Variants in WASHC4 observed in about 807,000 individuals in gnomAD.
WASHC4 encodes WASH complex subunit 4, also known as WASH complex subunit 7.
In WASHC4, 86 loss-of-function variants were observed where a neutral mutation model predicts 166.6. The ratio of observed to expected loss-of-function variants is 0.52; its 90% CI spans 0.43 to 0.62. The LOEUF (loss-of-function observed/expected upper bound fraction) is 0.62, where lower values mean the gene tolerates loss of function less well. WASHC4 is among the 20% of genes least tolerant of loss of function. The pLI is 0.00. For synonymous variants in WASHC4, 446 were observed against 451.6 expected, an observed-to-expected ratio of 0.99 and a Z score of 0.16; for missense variants, 1,262 against 1,382.4, an observed-to-expected ratio of 0.91 and a Z score of 1.38.
Position 105,107,816 on chromosome 12 carries a change from C to T in WASHC4, c.16C>T (p.Leu6=). Residue 6 remains leucine (L), a synonymous_variant, in exon 1 of 33, where the codon CTG becomes TTG. Transcript: ENST00000332180. MAVET[L]SPDWEFDRVD... ...CGCCGGGGTGATGGCGGTGGAGACT[C>T]TGTCCCCGGACTGGGAGTTTGACCG... The T allele has an allele frequency of 6.4e-7, 1 of 1,551,044 alleles. No homozygotes were observed.
Position 105,114,381 on chromosome 12 carries a change from C to A in WASHC4, c.275C>A (p.Thr92Asn). The A allele has an allele frequency of 6.3e-7, 1 of 1,598,806 alleles. No homozygotes were observed. The highest frequency in any genetic ancestry group is 1.3e-5 in the African/African-American group (1 of 74,576). ...AACTAGGTCTTAAACAAAGTCATCACTGTTTATGCTGCACTTTGTTGTGAA... is the reference window on the plus strand; with the variant it reads ...AACTAGGTCTTAAACAAAGTCATCAATGTTTATGCTGCACTTTGTTGTGAA... ...TENKVLNKVI[T>N]VYAALCCEIK... is the part of the protein sequence containing the mutation. The change falls in exon 4 of 33, where the codon ACT becomes AAT. Residue 92 changes from threonine to asparagine, a missense_variant. Thr to Asn is a moderately conservative substitution (Grantham distance 65). Transcript: ENST00000332180.
At chr12:105,136,784 C>T (rs559431705) in intron 14 of WASHC4, among the ~76,000 whole-genome samples, 4 of 152,126 alleles carry the variant, frequency 2.6e-5, no homozygotes, top group Non-Finnish European at 5.9e-5. Flanking sequence ...TTTGGTCTTA[C>T]GGTCACCTTT....
At chr12:105,123,068 A>C (rs1290816173) in intron 10 of WASHC4, among the ~76,000 whole-genome samples, 1 of 152,200 alleles carries the variant, frequency 6.6e-6, no homozygotes, top group Non-Finnish European at 1.5e-5. Flanking sequence ...TAATCCCAGC[A>C]CTTTGGGAGG....
At chr12:105,152,904 C>G (rs73179984) in intron 26 of WASHC4, among the ~76,000 whole-genome samples, 33 of 151,682 alleles carry the variant, frequency 2.2e-4, no homozygotes, top group African/African-American at 6.0e-4. Context: ...TCTGCCCTTA[C>G]GAGTGGAACT....
chr12:105,156,883 G>T, intron 27 of WASHC4, 91 bp downstream of exon 27: 1 of 939,800 alleles, frequency 1.1e-6, no homozygotes, highest in South Asian at 1.3e-5. Flanking sequence ...TGTAGATAAG[G>T]TGTTTGTTCT....
intron 1 of WASHC4, among the ~76,000 whole-genome samples, chr12:105,110,369 T>C (rs1183881782): frequency 6.6e-6 from 1 of 152,206 alleles, no homozygotes; most frequent in Non-Finnish European, 1.5e-5. Context: ...GTTGAATTTG[T>C]TACCTTTGGG....
Position 105,164,239 on chromosome 12 carries a change from G to A in WASHC4, c.3286G>A (p.Ala1096Thr), listed in dbSNP as rs113168943. 5.4e-5 allele frequency: 87 copies of A among 1,614,056 alleles called. No homozygotes were observed. In the African/African-American group the frequency reaches 8.5e-4, roughly 16 times the overall value. ...AVAKQQNVQS[A>T]SQDEKLLQTM... ...TGCTAAGCAACAGAATGTACAGTCAGCCAGTCAAGATGAAAAACTCTTACA... is the reference window on the plus strand; with the variant it reads ...TGCTAAGCAACAGAATGTACAGTCAACCAGTCAAGATGAAAAACTCTTACA... The change falls in exon 31 of 33, where the codon GCC becomes ACC. Residue 1096 changes from alanine (A) to threonine (T), a missense_variant. Physicochemically the swap from Ala to Thr is moderately conservative, Grantham distance 58. Transcript: ENST00000332180.
chr12:105,124,278 C>G (rs528338405), intron 10 of WASHC4, among the ~76,000 whole-genome samples: 1 of 151,634 alleles, frequency 6.6e-6, no homozygotes, highest in African/African-American at 2.4e-5. Flanking sequence ...TACTACCATG[C>G]CCAGCTAATT....
intron 6 of WASHC4, among the ~76,000 whole-genome samples, chr12:105,116,284 CAT>C (rs879771871): frequency 1.2e-4 from 19 of 152,132 alleles, no homozygotes; most frequent in Admixed American, 6.6e-4. Context: ...AAAAAATACC[CAT>C]AGTCCCACCT....
intron 14 of WASHC4, among the ~76,000 whole-genome samples, chr12:105,135,760 A>G (rs1882262862): frequency 6.6e-6 from 1 of 152,096 alleles, no homozygotes; most frequent in Non-Finnish European, 1.5e-5. Context: ...TATAGTTTAC[A>G]GTTCTCTTCT....
chr12:105,136,810 T>G (rs1882368221), intron 14 of WASHC4, among the ~76,000 whole-genome samples: 1 of 152,190 alleles, frequency 6.6e-6, no homozygotes, highest in Non-Finnish European at 1.5e-5. Context: ...GATGCTATCC[T>G]CTCTTTGATT....
In WASHC4 at chr12:105,166,946, A is replaced by G; in HGVS notation, c.*15A>G. On this transcript the variant is annotated 3_prime_UTR_variant, in exon 33 of 33. Coordinates refer to ENST00000332180, the MANE Select transcript of WASHC4 (RefSeq NM_015275.3). ...TTGTGAAATGATACGGATGGTATTC[A>G]CTGCACATATGATGAAATCATCAGA... 1.9e-6 allele frequency: 3 copies of G among 1,544,192 alleles called. No homozygotes were observed. In the South Asian group the frequency reaches 3.3e-5, roughly 17 times the overall value.
At chr12:105,123,504 C>G (rs1393465109) in intron 10 of WASHC4, among the ~76,000 whole-genome samples, 1 of 152,190 alleles carries the variant, frequency 6.6e-6, no homozygotes, top group Non-Finnish European at 1.5e-5. Context: ...AAAATCAAAC[C>G]AACCGCAACA....
At chr12:105,121,597 T>C (rs1392574903) in intron 9 of WASHC4, among the ~76,000 whole-genome samples, 2 of 152,196 alleles carry the variant, frequency 1.3e-5, no homozygotes, top group Non-Finnish European at 2.9e-5. Context: ...AACTTCTGCC[T>C]CCTGGGTTCA....
At chr12:105,147,597 T>G in intron 24 of WASHC4, 3 of 1,008,914 alleles carry the variant, frequency 3.0e-6, no homozygotes, top group Non-Finnish European at 3.6e-6. Context: ...AAAAATATAT[T>G]GAATCTTCTT....
In WASHC4 at chr12:105,144,325, T is replaced by G; in HGVS notation, c.2049T>G (p.Asp683Glu). 1 of 1,613,198 alleles carries G rather than the reference T, an allele frequency of 6.2e-7. No individual in the cohort carries two copies. The highest frequency in any genetic ancestry group is 1.3e-5 in the African/African-American group (1 of 75,002). ...LDKLCKEIEK[D>E]LRLSVHTHLK... Reference sequence around the variant, plus strand: ...AATTATGCAAAGAAATAGAGAAAGATCTGCGACTTTCTGTGCATACTCATT... The same window carrying G: ...AATTATGCAAAGAAATAGAGAAAGAGCTGCGACTTTCTGTGCATACTCATT... The change falls in exon 21 of 33, where the codon GAT (aspartate) becomes GAG (glutamate). Residue 683 changes from aspartate (D) to glutamate (E), a missense_variant. Asp to Glu is a conservative substitution (Grantham distance 45). Coordinates refer to ENST00000332180, the MANE Select transcript of WASHC4 (RefSeq NM_015275.3).
intron 32 of WASHC4, among the ~76,000 whole-genome samples, chr12:105,166,614 T>A (rs1884822270): frequency 6.6e-6 from 1 of 152,122 alleles, no homozygotes; most frequent in Non-Finnish European, 1.5e-5. Context: ...CCCACCCCAA[T>A]ACAGGTTCTG....
chr12:105,142,301 T>C, intron 18 of WASHC4, 152 bp from the exon 19 acceptor site: 1 of 621,850 alleles, frequency 1.6e-6, no homozygotes. Flanking sequence ...AGTATTTCTT[T>C]TGTGACTTTT....
intron 28 of WASHC4, 55 bp downstream of exon 28, chr12:105,157,377 G>T: frequency 1.0e-6 from 1 of 962,172 alleles, no homozygotes; most frequent in South Asian, 1.3e-5. Flanking sequence ...ATTCTGAAGA[G>T]AAGACCAGAG....
Sources: gnomAD v4.1 joint callset for allele counts (sites outside exome capture counted in the v4.1 genomes callset) on GRCh38, gnomAD v4.1.1 for gene constraint, MANE v1.5 for transcripts, NCBI Gene and HGNC (gene_info 2026-07-23, HGNC 2026-07-21) for gene names.